COL5A2: variants seen among roughly 807,000 people sequenced by gnomAD.
COL5A2 encodes the protein collagen alpha-2(V) chain.
A neutral mutation model predicts 208.2 loss-of-function variants in COL5A2; 23 were observed. The observed-to-expected ratio is 0.11, with a 90% CI of 0.08 to 0.16. The LOEUF (loss-of-function observed/expected upper bound fraction) is 0.16, where lower values mean the gene tolerates loss of function less well. COL5A2 is among the 10% of genes least tolerant of loss of function. COL5A2 has a pLI of 1.00. For missense variants in COL5A2, 1,590 were observed against 1,956.4 expected (o/e 0.81, Z 3.53); for synonymous variants, 625 against 628.5 (o/e 0.99, Z 0.08).
chr2:189,337,278 G>A, the COL5A2 span, among the ~76,000 whole-genome samples: 1,181 of 149,874 alleles, frequency 7.9e-3, 17 homozygotes, highest in African/African-American at 0.026. Flanking sequence ...CGCCTCCCGG[G>A]TTCACGCCAT....
intron 1 of COL5A2, among the ~76,000 whole-genome samples, chr2:189,202,130 A>G (rs1332696194): frequency 1.3e-5 from 2 of 151,972 alleles, no homozygotes. Flanking sequence ...TAAAATACCT[A>G]GGATAATAAT....
intron 3 of COL5A2, among the ~76,000 whole-genome samples, chr2:189,101,717 AGTCACAGTT>A (rs1687049531): frequency 6.6e-6 from 1 of 152,092 alleles, no homozygotes; most frequent in Non-Finnish European, 1.5e-5. Flanking sequence ...ATAATAACTC[AGTCACAGTT>A]GCTGATTCTA....
At chr2:189,286,484 T>G in the COL5A2 span, among the ~76,000 whole-genome samples, 1 of 151,946 alleles carries the variant, frequency 6.6e-6, no homozygotes. Flanking sequence ...AAAGTGTGGG[T>G]TGAAGTATTG....
chr2:189,374,055 G>A, the COL5A2 span, among the ~76,000 whole-genome samples: 3 of 152,092 alleles, frequency 2.0e-5, no homozygotes, highest in African/African-American at 7.2e-5. Flanking sequence ...AATGTCTTAT[G>A]GGGGAATAGA....
At chr2:189,402,918 A>G in the COL5A2 span, among the ~76,000 whole-genome samples, 1 of 152,278 alleles carries the variant, frequency 6.6e-6, no homozygotes, top group Non-Finnish European at 1.5e-5. Context: ...CACATGAATT[A>G]TAAAATATTT....
chr2:189,406,433 T>C, the COL5A2 span, among the ~76,000 whole-genome samples: 1 of 152,150 alleles, frequency 6.6e-6, no homozygotes, highest in Non-Finnish European at 1.5e-5. Context: ...TCAAAAAGCA[T>C]ATATTGCTAA....
intron 35 of COL5A2, 37 bp downstream of exon 35, chr2:189,056,936 T>G: frequency 6.2e-7 from 1 of 1,603,382 alleles, no homozygotes; most frequent in Non-Finnish European, 8.5e-7. Flanking sequence ...GTAATGTTGG[T>G]TCCTAGCCCA....
chr2:189,043,246 G>A lies in COL5A2; in HGVS notation c.3376C>T (p.Pro1126Ser). Residue 1126 changes from proline to serine, a missense_variant, in exon 48 of 54, where the codon CCT (proline) becomes TCT (serine). Transcript: ENST00000374866. ...CCATGATCACCTTTGTCACCACGAG[G>A]TCCTTGGGGTCCCTAGAAATAGAGA... ...GKRGLPGPQG[P>S]RGDKGDHGDR... 6.2e-7 allele frequency: 1 copy of A among 1,612,438 alleles called. No homozygotes were observed. Among genetic ancestry groups the A allele is most frequent in the Non-Finnish European group, 8.5e-7 (1 of 1,178,660 alleles).
chr2:189,045,310 A>G, intron 46 of COL5A2, 78 bp from the exon 47 acceptor site: 4 of 911,348 alleles, frequency 4.4e-6, no homozygotes, highest in Non-Finnish European at 7.1e-6. Flanking sequence ...GATGTCAACA[A>G]TACGTTTATA....
intron 22 of COL5A2, 24 bp from the exon 23 acceptor site, chr2:189,066,521 A>G (rs1180700534): frequency 1.2e-6 from 2 of 1,606,272 alleles, no homozygotes; most frequent in African/African-American, 2.7e-5. Flanking sequence ...AAGGACAGTT[A>G]CCAGAAAGAC....
intron 1 of COL5A2, among the ~76,000 whole-genome samples, chr2:189,208,525 G>A (rs151060349): frequency 2.3e-4 from 35 of 152,306 alleles, no homozygotes; most frequent in African/African-American, 8.2e-4. Context: ...AATGAAACAA[G>A]AACTGCAGAG....
intron 3 of COL5A2, among the ~76,000 whole-genome samples, chr2:189,103,173 T>C (rs1389620082): frequency 6.6e-6 from 1 of 152,130 alleles, no homozygotes; most frequent in Non-Finnish European, 1.5e-5. Context: ...GTCAAGTTTG[T>C]TCAAGGCCTA....
At chr2:189,333,856 C>T in the COL5A2 span, among the ~76,000 whole-genome samples, 10 of 151,916 alleles carry the variant, frequency 6.6e-5, no homozygotes, top group African/African-American at 2.4e-4. Context: ...GTTTAAGCCA[C>T]TCAGTCTGTA....
the COL5A2 span, among the ~76,000 whole-genome samples, chr2:189,325,315 T>C: frequency 2.9e-5 from 4 of 139,012 alleles, no homozygotes; most frequent in Middle Eastern, 3.8e-3. Flanking sequence ...TAAAGTATAA[T>C]AAAAAAAAAT....
the COL5A2 span, among the ~76,000 whole-genome samples, chr2:189,259,246 T>C: frequency 6.6e-6 from 1 of 151,974 alleles, no homozygotes; most frequent in Non-Finnish European, 1.5e-5. Flanking sequence ...TCTTTCCTTC[T>C]CCAAATGTGA....
At chr2:189,112,811 C>T (rs1207581027) in intron 1 of COL5A2, among the ~76,000 whole-genome samples, 1 of 152,104 alleles carries the variant, frequency 6.6e-6, no homozygotes, top group Non-Finnish European at 1.5e-5. Context: ...GAAATGTATT[C>T]ATCAAATAAA....
At chr2:189,164,717 T>C (rs1026153692) in intron 1 of COL5A2, among the ~76,000 whole-genome samples, 3 of 152,192 alleles carry the variant, frequency 2.0e-5, no homozygotes, top group Non-Finnish European at 4.4e-5. Context: ...TAAGAATTTC[T>C]ACAGAAATTA....
At chr2:189,405,286 C>A in the COL5A2 span, among the ~76,000 whole-genome samples, 1 of 151,576 alleles carries the variant, frequency 6.6e-6, no homozygotes, top group Non-Finnish European at 1.5e-5. Context: ...GGCTGGAGTG[C>A]AGTGGCACAA....
At chr2:189,294,151 G>A in the COL5A2 span, among the ~76,000 whole-genome samples, 12 of 151,334 alleles carry the variant, frequency 7.9e-5, no homozygotes, top group African/African-American at 2.2e-4. Context: ...AGCCTGAACG[G>A]GCTGATAGCA....
Sources: allele counts gnomAD v4.1 joint callset (sites outside exome capture counted in the v4.1 genomes callset), GRCh38; gene constraint gnomAD v4.1.1; transcripts MANE v1.5; gene names NCBI Gene and HGNC (gene_info 2026-07-23, HGNC 2026-07-21).